Variants in SCFD2 observed in about 807,000 individuals in gnomAD.
SCFD2 encodes sec1 family domain-containing protein 2.
A neutral mutation model predicts 58.9 loss-of-function variants in SCFD2; 54 were observed. The observed-to-expected ratio is 0.92, with a 90% confidence interval of 0.74 to 1.15. SCFD2 has a LOEUF of 1.15. Ranked by LOEUF, SCFD2 falls within the 50% of genes most tolerant of loss-of-function variation. The pLI is 0.00. For missense variants in SCFD2, 805 were observed against 836.6 expected (o/e 0.96, Z 0.47); for synonymous variants, 321 against 335.9 (o/e 0.96, Z 0.49).
At chr4:53,023,879 A>G (rs1247643078) in intron 5 of SCFD2, among the ~76,000 whole-genome samples, 1 of 152,174 alleles carries the variant, frequency 6.6e-6, no homozygotes, top group African/African-American at 2.4e-5. Flanking sequence ...ACATACTCTT[A>G]CCATGTGCAG....
intron 5 of SCFD2, among the ~76,000 whole-genome samples, chr4:53,027,257 CTT>C (rs112313567): frequency 2.1e-5 from 3 of 145,480 alleles, no homozygotes; most frequent in African/African-American, 2.5e-5. Flanking sequence ...CCACACACTT[CTT>C]TTTTTTTTTT....
intron 4 of SCFD2, among the ~76,000 whole-genome samples, chr4:53,182,737 T>C (rs1267946059): frequency 6.6e-6 from 1 of 151,594 alleles, no homozygotes. Context: ...TGGGAGAAAA[T>C]TTTTGCAACC....
intron 2 of SCFD2, among the ~76,000 whole-genome samples, chr4:53,316,358 A>C (rs1423347927): frequency 1.3e-5 from 2 of 152,130 alleles, no homozygotes; most frequent in Non-Finnish European, 2.9e-5. Context: ...TGAATAAATG[A>C]TACTTGTTAA....
chr4:53,352,494 C>T, intron 2 of SCFD2, 104 bp downstream of exon 2: 1 of 937,022 alleles, frequency 1.1e-6, no homozygotes, highest in African/African-American at 1.7e-5. Flanking sequence ...AATTTTCAAC[C>T]AGACCAATTC....
intron 5 of SCFD2, among the ~76,000 whole-genome samples, chr4:53,046,415 AT>A (rs1723040489): frequency 6.6e-6 from 1 of 151,774 alleles, no homozygotes; most frequent in Non-Finnish European, 1.5e-5. Context: ...GGTTCTCATT[AT>A]GTTGCCCAGG....
At chr4:52,886,245 A>T (rs574022912) in intron 7 of SCFD2, among the ~76,000 whole-genome samples, 1 of 152,222 alleles carries the variant, frequency 6.6e-6, no homozygotes, top group South Asian at 2.1e-4. Flanking sequence ...CTTGCAAACC[A>T]ATCAGCATGC....
chr4:53,056,022 T>C (rs1723328270), intron 5 of SCFD2, among the ~76,000 whole-genome samples: 1 of 152,098 alleles, frequency 6.6e-6, no homozygotes, highest in African/African-American at 2.4e-5. Flanking sequence ...ATGTGTATCC[T>C]GGGCACTTTT....
chr4:52,980,237 C>T (rs1210187941), intron 5 of SCFD2, among the ~76,000 whole-genome samples: 1 of 152,142 alleles, frequency 6.6e-6, no homozygotes, highest in Non-Finnish European at 1.5e-5. Context: ...ACAATGCTAC[C>T]CAAGCATTTT....
chr4:53,323,457 T>C (rs1733083979), intron 2 of SCFD2, among the ~76,000 whole-genome samples: 1 of 150,942 alleles, frequency 6.6e-6, no homozygotes, highest in Non-Finnish European at 1.5e-5. Context: ...CACTACAACC[T>C]AGACTTCCTG....
intron 5 of SCFD2, among the ~76,000 whole-genome samples, chr4:53,091,146 T>C (rs1265727123): frequency 2.0e-5 from 3 of 152,078 alleles, no homozygotes; most frequent in Admixed American, 2.0e-4. Flanking sequence ...GAGAGAAAAA[T>C]CTTCCATATT....
At chr4:53,286,909 C>T (rs1384342142) in intron 3 of SCFD2, among the ~76,000 whole-genome samples, 1 of 152,192 alleles carries the variant, frequency 6.6e-6, no homozygotes, top group African/African-American at 2.4e-5. Context: ...TCCCAGAGTC[C>T]AGAGTCACCA....
intron 4 of SCFD2, among the ~76,000 whole-genome samples, chr4:53,184,197 TTTAGCTTGGCACATGG>T (rs1727673048): frequency 6.6e-6 from 1 of 152,158 alleles, no homozygotes; most frequent in Non-Finnish European, 1.5e-5. Flanking sequence ...TAACCACCCG[TTTAGCTTGGCACATGG>T]TTACCTAGGG....
chr4:53,335,413 G>GATT (rs1442920242), intron 2 of SCFD2, among the ~76,000 whole-genome samples: 1 of 152,140 alleles, frequency 6.6e-6, no homozygotes, highest in Non-Finnish European at 1.5e-5. Flanking sequence ...AAGAGGGAAT[G>GATT]ACAAGTGAAT....
chr4:52,914,121 C>T (rs754524480), intron 6 of SCFD2, among the ~76,000 whole-genome samples: 41 of 152,156 alleles, frequency 2.7e-4, no homozygotes, highest in Non-Finnish European at 4.9e-4. Context: ...AACTTTTTAT[C>T]TCTGTTTCCC....
chr4:53,193,019 T>G (rs1173964450), intron 4 of SCFD2, among the ~76,000 whole-genome samples: 3 of 152,154 alleles, frequency 2.0e-5, no homozygotes, highest in Admixed American at 1.3e-4. Flanking sequence ...ACAACCTCCT[T>G]ATTGTAAACG....
intron 4 of SCFD2, among the ~76,000 whole-genome samples, chr4:53,208,043 A>C (rs1267387603): frequency 6.7e-6 from 1 of 149,192 alleles, no homozygotes; most frequent in African/African-American, 2.5e-5. Context: ...TGCAACTTTC[A>C]CCTCCCAGGC....
chr4:52,943,334 T>C (rs1319891187), intron 5 of SCFD2, among the ~76,000 whole-genome samples: 1 of 152,206 alleles, frequency 6.6e-6, no homozygotes, highest in African/African-American at 2.4e-5. Context: ...TGTGCTGCTA[T>C]AACAGAATAT....
chr4:53,335,909 ATTG>A (rs1733669717), intron 2 of SCFD2, among the ~76,000 whole-genome samples: 1 of 152,216 alleles, frequency 6.6e-6, no homozygotes, highest in Non-Finnish European at 1.5e-5. Flanking sequence ...TATGCGGGGT[ATTG>A]TTAAAACAAT....
intron 5 of SCFD2, among the ~76,000 whole-genome samples, chr4:53,062,030 T>C (rs923768166): frequency 3.3e-5 from 5 of 151,794 alleles, no homozygotes; most frequent in African/African-American, 9.7e-5. Context: ...TGACTTAAAA[T>C]ATATATAATT....
Sources: gnomAD v4.1 joint callset for allele counts (sites outside exome capture counted in the v4.1 genomes callset) on GRCh38, gnomAD v4.1.1 for gene constraint, MANE v1.5 for transcripts, NCBI Gene and HGNC (gene_info 2026-07-23, HGNC 2026-07-21) for gene names.